PSD3: variants seen among roughly 807,000 people sequenced by gnomAD.
PSD3 encodes PH and SEC7 domain-containing protein 3.
In PSD3, 49 loss-of-function variants were observed where a neutral mutation model predicts 105.5. That is an observed-to-expected ratio of 0.46 (90% CI 0.37 to 0.59). The LOEUF (loss-of-function observed/expected upper bound fraction) is 0.59. Among genes scored for constraint, PSD3 ranks in the 20% least tolerant of loss-of-function variants. The pLI, the probability that PSD3 is intolerant of heterozygous loss-of-function variation, is 0.00. For synonymous variants in PSD3, 557 were observed against 457.8 expected (o/e 1.22, Z -2.77); for missense variants, 1,561 against 1,263.8 (o/e 1.24, Z -3.57).
intron 6 of PSD3, 104 bp downstream of exon 6, chr8:18,804,418 G>A: frequency 2.3e-6 from 2 of 887,184 alleles, no homozygotes; most frequent in South Asian, 3.6e-5. Context: ...TATACATGGA[G>A]GTTTAAAAAA....
At position 18,767,912 on chromosome 8, in the gene PSD3, G is replaced by A. The variant is rs1034916206; in HGVS notation, c.2083-2374C>T. Among the ~76,000 whole-genome samples the A allele has an allele frequency of 7.9e-5, 12 of 152,134 alleles. No individual in the cohort carries two copies. The East Asian group carries it at 1.4e-3, about 17-fold the overall frequency. ...CAGCACCTAGTGAATTCATTTGAAA[G>A]TGAATTCATTTGAATACCTACGGTA... is the stretch of plus-strand genomic sequence containing the variant. On this transcript the variant is annotated intron_variant, in intron 8 of 15. Transcript: ENST00000327040.
chr8:18,710,755 C>T (rs1222988296), intron 9 of PSD3, among the ~76,000 whole-genome samples: 1 of 152,044 alleles, frequency 6.6e-6, no homozygotes, highest in Non-Finnish European at 1.5e-5. Flanking sequence ...GATTTAGGCT[C>T]ACTGCAACGT....
chr8:18,931,139 G>T (rs1821724706), intron 2 of PSD3, among the ~76,000 whole-genome samples: 1 of 151,290 alleles, frequency 6.6e-6, no homozygotes, highest in African/African-American at 2.4e-5. Flanking sequence ...TTTCCCTTAG[G>T]GGATTTTCCT....
At chr8:18,647,885 C>G (rs1238183659) in intron 10 of PSD3, among the ~76,000 whole-genome samples, 1 of 152,184 alleles carries the variant, frequency 6.6e-6, no homozygotes, top group African/African-American at 2.4e-5. Flanking sequence ...CCCCCTCTCT[C>G]TCTTCCTCTT....
At chr8:18,788,011 T>G (rs1463962801) in intron 8 of PSD3, among the ~76,000 whole-genome samples, 1 of 152,188 alleles carries the variant, frequency 6.6e-6, no homozygotes, top group Non-Finnish European at 1.5e-5. Flanking sequence ...CTATAATTGG[T>G]GTGAAGATGT....
intron 2 of PSD3, among the ~76,000 whole-genome samples, chr8:18,878,114 T>A (rs1817855784): frequency 6.6e-6 from 1 of 152,226 alleles, no homozygotes; most frequent in South Asian, 2.1e-4. Flanking sequence ...TCTTTTCACT[T>A]ACTTAATCTT....
intron 14 of PSD3, among the ~76,000 whole-genome samples, chr8:18,567,942 C>G (rs6987039): frequency 1.3e-5 from 2 of 152,132 alleles, no homozygotes; most frequent in Non-Finnish European, 2.9e-5. Context: ...CTTGATGCCA[C>G]GCTTATGATA....
At chr8:18,831,254 A>G (rs375076352) in intron 4 of PSD3, among the ~76,000 whole-genome samples, 12 of 152,156 alleles carry the variant, frequency 7.9e-5, no homozygotes, top group East Asian at 5.8e-4. Context: ...TTAAATACAC[A>G]CCCTTCTGCA....
intron 1 of PSD3, among the ~76,000 whole-genome samples, chr8:19,004,467 C>T (rs542751765): frequency 1.3e-5 from 2 of 152,032 alleles, no homozygotes; most frequent in East Asian, 3.9e-4. Context: ...TCACTTATTT[C>T]AAAGGTCAGG....
At chr8:19,040,245 C>T (rs942926082) in intron 1 of PSD3, among the ~76,000 whole-genome samples, 4 of 152,090 alleles carry the variant, frequency 2.6e-5, no homozygotes, top group Admixed American at 2.6e-4. Flanking sequence ...TTTTGTTGCT[C>T]GGGCTGGAGT....
intron 1 of PSD3, among the ~76,000 whole-genome samples, chr8:19,072,802 A>T (rs997143948): frequency 4.6e-5 from 7 of 152,208 alleles, no homozygotes; most frequent in African/African-American, 1.7e-4. Context: ...CAAGTTCTTT[A>T]CATATTATAA....
At chr8:18,988,477 T>C (rs1319859732) in intron 1 of PSD3, among the ~76,000 whole-genome samples, 1 of 152,172 alleles carries the variant, frequency 6.6e-6, no homozygotes, top group Non-Finnish European at 1.5e-5. Context: ...GAAGGCGGCA[T>C]TTCTAGGCCA....
intron 11 of PSD3, among the ~76,000 whole-genome samples, chr8:18,617,425 G>A (rs1035513297): frequency 2.0e-5 from 3 of 152,036 alleles, no homozygotes; most frequent in South Asian, 4.2e-4. Flanking sequence ...CAGCTACTCG[G>A]GAGGCTGAGG....
chr8:18,638,154 CAAAAAAA>C (rs34328764), intron 10 of PSD3, among the ~76,000 whole-genome samples: 2 of 72,264 alleles, frequency 2.8e-5, no homozygotes, highest in African/African-American at 1.0e-4. Context: ...GATTCCATCT[CAAAAAAA>C]AAAAAAAAAA....
At position 18,872,579 on chromosome 8, in the gene PSD3, C is replaced by A; in HGVS notation, c.285G>T (p.Gln95His). The A allele has an allele frequency of 6.2e-7, 1 of 1,614,072 alleles. No individual in the cohort carries two copies. Residue 95 changes from glutamine to histidine, a missense_variant, in exon 3 of 16, where the codon CAG becomes CAT. By Grantham distance (24) the Gln-to-His change is conservative (BLOSUM62 0). Coordinates refer to ENST00000327040, the MANE Select transcript of PSD3 (RefSeq NM_015310.4). Reference protein sequence around the residue: ...PCHPQEQQGVQPLTGCHSGLD... With the variant: ...PCHPQEQQGVHPLTGCHSGLD... ...GCCCAGAGTGGCAGCCAGTAAGAGG[C>A]TGGACACCCTGCTGCTCTTGTGGGT...
intron 2 of PSD3, among the ~76,000 whole-genome samples, chr8:18,915,095 G>A (rs12545035): frequency 2.0e-5 from 3 of 152,044 alleles, no homozygotes; most frequent in Admixed American, 2.0e-4. Context: ...ACACACAATG[G>A]GGAAAGAACA....
At chr8:19,076,693 A>G (rs1829472066) in intron 1 of PSD3, among the ~76,000 whole-genome samples, 1 of 152,178 alleles carries the variant, frequency 6.6e-6, no homozygotes, top group African/African-American at 2.4e-5. Context: ...TTAAATTGTT[A>G]CTTTAAAGGT....
intron 1 of PSD3, among the ~76,000 whole-genome samples, chr8:18,982,753 C>T (rs1486275287): frequency 1.3e-5 from 2 of 152,196 alleles, no homozygotes; most frequent in Non-Finnish European, 2.9e-5. Context: ...ATTCAGTAAA[C>T]CATGCTGCTA....
intron 4 of PSD3, among the ~76,000 whole-genome samples, chr8:18,816,239 G>A (rs960409665): frequency 1.3e-5 from 2 of 152,154 alleles, no homozygotes; most frequent in Non-Finnish European, 2.9e-5. Flanking sequence ...ACTATTTTAA[G>A]CACTTTATAC....
Sources: allele counts gnomAD v4.1 joint callset (sites outside exome capture counted in the v4.1 genomes callset), GRCh38; gene constraint gnomAD v4.1.1; transcripts MANE v1.5; gene names NCBI Gene and HGNC (gene_info 2026-07-23, HGNC 2026-07-21).